The following DNM2 variants were observed in gnomAD, a reference collection of about 807,000 sequenced individuals.
DNM2 encodes the protein dynamin 2.
Under a neutral mutation model 99.0 loss-of-function variants are expected in DNM2, and 15 were observed. The observed-to-expected ratio is 0.15, with a 90% CI of 0.10 to 0.23. The LOEUF (loss-of-function observed/expected upper bound fraction) is 0.23, where lower values mean the gene tolerates loss of function less well. Ranked by LOEUF, DNM2 falls within the 10% of genes least tolerant of loss-of-function variation. The probability of loss-of-function intolerance (pLI) is 1.00; values close to 1 mark genes in which losing one functional copy is unlikely to be tolerated. For synonymous variants in DNM2, 525 were observed against 481.2 expected (o/e 1.09, Z -1.19); for missense variants, 742 against 1,189.4 (o/e 0.62, Z 5.53).
At chr19:10,810,079 C>T (rs1285702333) in intron 14 of DNM2, 1 of 152,334 alleles carries the variant, frequency 6.6e-6, no homozygotes. Flanking sequence ...TCTGGGTCTC[C>T]CATCTGTGGT....
At chr19:10,789,538 A>C (rs1227722294) in intron 7 of DNM2, among the ~76,000 whole-genome samples, 1 of 152,122 alleles carries the variant, frequency 6.6e-6, no homozygotes, top group Non-Finnish European at 1.5e-5. Flanking sequence ...ATTAAGAAAA[A>C]AAAAAAAAAT....
chr19:10,787,480 A>G (rs2071602033), intron 7 of DNM2, among the ~76,000 whole-genome samples: 1 of 149,316 alleles, frequency 6.7e-6, no homozygotes, highest in African/African-American at 2.5e-5. Context: ...AAAAAAAAGA[A>G]AAAAGGCCAG....
At chr19:10,725,531 C>T (rs564309193) in intron 1 of DNM2, among the ~76,000 whole-genome samples, 1 of 151,748 alleles carries the variant, frequency 6.6e-6, no homozygotes, top group African/African-American at 2.4e-5. Flanking sequence ...GGAATTGGTA[C>T]AGTCCAGAGG....
chr19:10,747,136 G>T (rs1470665896), intron 1 of DNM2, among the ~76,000 whole-genome samples: 1 of 151,874 alleles, frequency 6.6e-6, no homozygotes, highest in African/African-American at 2.4e-5. Context: ...CAAGGTGCTG[G>T]GATTATAGGC....
chr19:10,746,160 C>T (rs541063620), intron 1 of DNM2, among the ~76,000 whole-genome samples: 1 of 152,266 alleles, frequency 6.6e-6, no homozygotes, highest in African/African-American at 2.4e-5. Flanking sequence ...AAGGTTTCAC[C>T]ATGTTGGCCA....
intron 1 of DNM2, among the ~76,000 whole-genome samples, chr19:10,738,816 G>A (rs2069627690): frequency 6.6e-6 from 1 of 150,762 alleles, no homozygotes. Flanking sequence ...GTTGCTGTGA[G>A]CTGAGATCGC....
intron 2 of DNM2, among the ~76,000 whole-genome samples, chr19:10,760,089 A>G (rs2070566604): frequency 6.6e-6 from 1 of 151,938 alleles, no homozygotes; most frequent in African/African-American, 2.4e-5. Context: ...GCTGGAGTAC[A>G]GTGATGCTAT....
chr19:10,762,112 G>C (rs2070653816), intron 2 of DNM2, among the ~76,000 whole-genome samples: 2 of 152,006 alleles, frequency 1.3e-5, no homozygotes, highest in Non-Finnish European at 2.9e-5. Flanking sequence ...GGGTGATCTT[G>C]GCTCACTGCC....
At chr19:10,787,997 C>T (rs1028837410) in intron 7 of DNM2, among the ~76,000 whole-genome samples, 3 of 151,596 alleles carry the variant, frequency 2.0e-5, no homozygotes, top group Non-Finnish European at 2.9e-5. Context: ...TTTGGGAGGC[C>T]GAGGCGGGAG....
At chr19:10,788,471 G>A (rs2071642190) in intron 7 of DNM2, among the ~76,000 whole-genome samples, 2 of 152,192 alleles carry the variant, frequency 1.3e-5, no homozygotes, top group South Asian at 4.1e-4. Flanking sequence ...GGCTTTTGCT[G>A]TGAGTGAGGT....
Position 10,805,964 on chromosome 19 carries a change from T to C in DNM2, c.1542T>C (p.Asn514=). Residue 514 remains asparagine (N), a synonymous_variant, in exon 13 of 21, where the codon AAT becomes AAC. Transcript: ENST00000389253. ...TGAACAAGAAGAGAGCCATCCCCAA[T>C]CAGGTAGCACACCCCTCTGCAGTCT... ...TQLNKKRAIP[N]QGEILVIRRG... 6.2e-7 allele frequency: 1 copy of C among 1,614,028 alleles called. No individual in the cohort carries two copies. Among genetic ancestry groups the C allele is most frequent in the Non-Finnish European group, 8.5e-7 (1 of 1,180,008 alleles).
At chr19:10,784,207 G>A (rs1179127370) in intron 6 of DNM2, among the ~76,000 whole-genome samples, 1 of 152,100 alleles carries the variant, frequency 6.6e-6, no homozygotes, top group Non-Finnish European at 1.5e-5. Context: ...GTGTCCACAC[G>A]AGAGTAGGTT....
intron 1 of DNM2, among the ~76,000 whole-genome samples, chr19:10,737,958 G>A (rs1354757790): frequency 6.6e-6 from 1 of 152,192 alleles, no homozygotes; most frequent in East Asian, 1.9e-4. Flanking sequence ...CAATCACTGA[G>A]CAAGACCCAC....
intron 1 of DNM2, among the ~76,000 whole-genome samples, chr19:10,741,934 CTTCT>C (rs1303460013): frequency 6.7e-6 from 1 of 149,746 alleles, no homozygotes; most frequent in Non-Finnish European, 1.5e-5. Flanking sequence ...CCCTCCCTCC[CTTCT>C]TTCCTTCCTT....
chr19:10,740,732 C>T (rs934354047), intron 1 of DNM2, among the ~76,000 whole-genome samples: 1 of 152,202 alleles, frequency 6.6e-6, no homozygotes, highest in Admixed American at 6.5e-5. Flanking sequence ...TCCCTGTAAA[C>T]CTGCTTTAGC....
intron 1 of DNM2, among the ~76,000 whole-genome samples, chr19:10,756,285 AT>A (rs1186659074): frequency 1.3e-5 from 2 of 151,960 alleles, no homozygotes; most frequent in East Asian, 3.9e-4. Context: ...CTCTCCAATT[AT>A]CCCAGCCCCC....
Position 10,795,567 on chromosome 19 carries a change from G to A in DNM2, c.1196+128G>A. On this transcript the variant is annotated intron_variant, in intron 9 of 20. Coordinates refer to ENST00000389253, the MANE Select transcript of DNM2 (RefSeq NM_001005361.3). The surrounding 1 kb of genome is among the most constrained non-coding windows in gnomAD (Gnocchi z 4.2). ...TAAGAGGGCTCTTGGATGGTTTTCT[G>A]TAGCTGCGAGCCCCTCCCTGAGGGT... 1 of 1,078,756 alleles carries A rather than the reference G, an allele frequency of 9.3e-7. No homozygotes were observed. The highest frequency in any genetic ancestry group is 1.3e-5 in the South Asian group (1 of 77,484). 66.8% of individuals were successfully genotyped at this position (1,078,756 alleles called of 1,614,324 possible).
chr19:10,797,117 G>A (rs1341952437), intron 9 of DNM2, among the ~76,000 whole-genome samples: 3 of 152,142 alleles, frequency 2.0e-5, no homozygotes, highest in Admixed American at 2.0e-4. Context: ...AGAGGACTCC[G>A]CACACCTTGG....
At chr19:10,808,318 G>A (rs948981502) in intron 13 of DNM2, among the ~76,000 whole-genome samples, 11 of 152,022 alleles carry the variant, frequency 7.2e-5, no homozygotes, top group African/African-American at 2.4e-4. Flanking sequence ...TTATTTTTGC[G>A]CTTGCCGTAG....
Sources: allele counts gnomAD v4.1 joint callset (sites outside exome capture counted in the v4.1 genomes callset), GRCh38; gene constraint gnomAD v4.1.1; non-coding constraint Gnocchi (gnomAD v3.1); transcripts MANE v1.5; gene names NCBI Gene and HGNC (gene_info 2026-07-23, HGNC 2026-07-21).